POLQ: variants seen among roughly 807,000 people sequenced by gnomAD.
POLQ encodes epididymis secretory sperm binding protein.
Under a neutral mutation model 259.2 loss-of-function variants are expected in POLQ, and 233 were observed. That is an observed-to-expected ratio of 0.90 (90% CI 0.81 to 1.00). The LOEUF (loss-of-function observed/expected upper bound fraction) is 1.00, where lower values mean the gene tolerates loss of function less well. POLQ is among the 50% of genes least tolerant of loss of function. The pLI is 0.00. For synonymous variants in POLQ, 1,025 were observed against 1,048.8 expected (o/e 0.98, Z 0.44); for missense variants, 2,871 against 3,051.6 (o/e 0.94, Z 1.39).
chr3:121,473,332 G>C lies in POLQ; in HGVS notation c.6543+18C>G. The C allele has an allele frequency of 2.5e-6, 4 of 1,601,134 alleles. No homozygotes were observed. Among genetic ancestry groups the C allele is most frequent in the Non-Finnish European group, 3.4e-6 (4 of 1,175,918 alleles). On this transcript the variant is annotated intron_variant, in intron 21 of 29. Transcript: ENST00000264233. ...TAGTTTAGGTTCTGCCCTGCTCTGT[G>C]ACTGCCCCAAAGAGCACCTTACTAG...
chr3:121,432,464 G>T, intron 29 of POLQ, 47 bp from the exon 30 acceptor site: 1 of 1,581,040 alleles, frequency 6.3e-7, no homozygotes. Context: ...GTCAAAGAAT[G>T]TTTCCCAAAC....
At chr3:121,528,931 G>A (rs1179597446) in intron 7 of POLQ, among the ~76,000 whole-genome samples, 2 of 152,048 alleles carry the variant, frequency 1.3e-5, no homozygotes, top group East Asian at 3.9e-4. Flanking sequence ...CAGCCTAAGC[G>A]ACCGTGCGAG....
At chr3:121,477,756 A>T (rs1016486040) in intron 19 of POLQ, among the ~76,000 whole-genome samples, 1 of 152,158 alleles carries the variant, frequency 6.6e-6, no homozygotes, top group African/African-American at 2.4e-5. Flanking sequence ...TAGGAATCTA[A>T]GCAACCCTGG....
intron 19 of POLQ, among the ~76,000 whole-genome samples, chr3:121,479,362 A>ATG (rs71133538): frequency 0.024 from 3,439 of 142,664 alleles, 69 homozygotes; most frequent in African/African-American, 0.055. Context: ...AAAAAAAAAA[A>ATG]TGTGTGTGTG....
chr3:121,496,002 T>C (rs1263078572), intron 14 of POLQ, among the ~76,000 whole-genome samples: 1 of 152,098 alleles, frequency 6.6e-6, no homozygotes, highest in Non-Finnish European at 1.5e-5. Flanking sequence ...AGTTTCCTTC[T>C]TAAGGGCTTG....
chr3:121,482,738 G>A (rs1186986492), intron 18 of POLQ, among the ~76,000 whole-genome samples: 1 of 151,738 alleles, frequency 6.6e-6, no homozygotes, highest in East Asian at 1.9e-4. Flanking sequence ...TAGAATAAGG[G>A]AATCTAAGCC....
At chr3:121,497,716 C>T (rs1343529065) in intron 13 of POLQ, among the ~76,000 whole-genome samples, 1 of 152,124 alleles carries the variant, frequency 6.6e-6, no homozygotes, top group Non-Finnish European at 1.5e-5. Context: ...GGATTACAGG[C>T]ATGAGCCACT....
intron 2 of POLQ, among the ~76,000 whole-genome samples, chr3:121,544,346 A>G (rs1424984525): frequency 6.6e-6 from 1 of 152,010 alleles, no homozygotes; most frequent in Admixed American, 6.6e-5. Context: ...ACTCTATCTC[A>G]AGAAAAAAAA....
intron 13 of POLQ, among the ~76,000 whole-genome samples, chr3:121,497,515 C>A (rs1157073192): frequency 1.3e-5 from 2 of 152,140 alleles, no homozygotes; most frequent in Admixed American, 6.6e-5. Flanking sequence ...TGGCTCACTG[C>A]AACCTCCATC....
At chr3:121,530,038 T>C (rs1306648892) in intron 6 of POLQ, among the ~76,000 whole-genome samples, 3 of 152,210 alleles carry the variant, frequency 2.0e-5, no homozygotes, top group Non-Finnish European at 4.4e-5. Flanking sequence ...CCTCAGGCAA[T>C]GGGAATACAA....
At chr3:121,445,475 G>A (rs1303417067) in intron 26 of POLQ, among the ~76,000 whole-genome samples, 1 of 152,144 alleles carries the variant, frequency 6.6e-6, no homozygotes, top group Non-Finnish European at 1.5e-5. Flanking sequence ...TCATTGTGCT[G>A]TCTCCTTTTT....
chr3:121,523,838 T>G (rs2048354768), intron 7 of POLQ, among the ~76,000 whole-genome samples: 1 of 152,222 alleles, frequency 6.6e-6, no homozygotes. Context: ...TTCATACATT[T>G]TTAAATTTTT....
Position 121,432,328 on chromosome 3 carries a change from T to C in POLQ, c.7749A>G (p.Gly2583=). The change falls in exon 30 of 30, where the codon GGA becomes GGG. Residue 2583 remains glycine (G), a synonymous_variant. Transcript: ENST00000264233. ...GTTACACATCAAAGTCCTTTAGCTC[T>C]CCCCAGCTGGCGCCTATTTTCACTT... ...KVKVKIGASW[G]ELKDFDV is the part of the protein sequence containing the mutation. The C allele has an allele frequency of 6.2e-7, 1 of 1,606,336 alleles. No individual in the cohort carries two copies. The highest frequency in any genetic ancestry group is 8.5e-7 in the Non-Finnish European group (1 of 1,176,520).
intron 26 of POLQ, among the ~76,000 whole-genome samples, chr3:121,444,569 G>A (rs6765310): frequency 0.63 from 96,025 of 151,980 alleles, 30,720 homozygotes; most frequent in East Asian, 0.89. Flanking sequence ...TTCCTTTCCA[G>A]TGTGGATGTC....
In POLQ at chr3:121,483,441, T is replaced by C; in HGVS notation, c.5915A>G (p.Lys1972Arg). 1 of 1,595,114 alleles carries C rather than the reference T, an allele frequency of 6.3e-7. No homozygotes were observed. The highest frequency in any genetic ancestry group is 2.3e-5 in the East Asian group (1 of 44,334). ...GATGCCACAAGAAAGAAGAAGAATT[T>C]TATAGCTCTGGATGAAGTCATAGAT... The part of the protein sequence containing the change: ...VVIYDFIQSY[K>R]ILLLSCGISL... The change falls in exon 18 of 30, where the codon AAA becomes AGA. Residue 1972 changes from lysine to arginine, a missense_variant. Physicochemically the swap from Lys to Arg is conservative, Grantham distance 26. This residue lies in a region of POLQ where 2,080 missense variants were observed against 2,126.0 expected (regional missense o/e 0.98). Coordinates refer to ENST00000264233, the MANE Select transcript of POLQ (RefSeq NM_199420.4).
At chr3:121,545,026 C>G in intron 1 of POLQ, 120 bp from the exon 2 acceptor site, 1 of 598,910 alleles carries the variant, frequency 1.7e-6, no homozygotes, top group East Asian at 2.9e-5. Flanking sequence ...AAAGCACATC[C>G]TGACTTCAAG....
chr3:121,495,825 G>C (rs1441842110), intron 14 of POLQ, among the ~76,000 whole-genome samples: 1 of 142,718 alleles, frequency 7.0e-6, no homozygotes, highest in East Asian at 2.0e-4. Flanking sequence ...CTCCAGCCTG[G>C]GAGACAGAGC....
At chr3:121,517,894 T>A (rs894915268) in intron 9 of POLQ, among the ~76,000 whole-genome samples, 1 of 152,222 alleles carries the variant, frequency 6.6e-6, no homozygotes, top group Admixed American at 6.5e-5. Flanking sequence ...GAAATTAACA[T>A]CTATCTTGTT....
intron 24 of POLQ, 74 bp from the exon 25 acceptor site, chr3:121,460,308 A>G: frequency 9.0e-7 from 1 of 1,112,326 alleles, no homozygotes; most frequent in African/African-American, 1.6e-5. Context: ...ATATCATATA[A>G]TTGAGCAGGA....
Sources: gnomAD v4.1 joint callset for allele counts (sites outside exome capture counted in the v4.1 genomes callset) on GRCh38, gnomAD v4.1.1 for gene constraint, gnomAD v4.1.1 regional missense constraint, MANE v1.5 for transcripts, NCBI Gene and HGNC (gene_info 2026-07-23, HGNC 2026-07-21) for gene names.